The following LAMA2 variants were observed in gnomAD, a reference collection of about 807,000 sequenced individuals.
The protein encoded by LAMA2 is laminin subunit alpha-2.
A neutral mutation model predicts 364.8 loss-of-function variants in LAMA2; 269 were observed. The ratio of observed to expected loss-of-function variants is 0.74; its 90% confidence interval spans 0.67 to 0.82. LAMA2 has a LOEUF of 0.82. Ranked by LOEUF, LAMA2 falls within the 40% of genes least tolerant of loss-of-function variation. LAMA2 has a pLI of 0.00. For missense variants in LAMA2, 3,807 were observed against 3,873.2 expected, an observed-to-expected ratio of 0.98 and a Z score of 0.45; for synonymous variants, 1,379 against 1,370.6, an observed-to-expected ratio of 1.01 and a Z score of -0.14.
intron 1 of LAMA2, among the ~76,000 whole-genome samples, chr6:129,008,788 C>A (rs765202639): frequency 6.6e-6 from 1 of 152,082 alleles, no homozygotes; most frequent in African/African-American, 2.4e-5. Flanking sequence ...TTTGGCAGGA[C>A]GAGAGATTAC....
intron 44 of LAMA2, among the ~76,000 whole-genome samples, chr6:129,445,040 T>C (rs1782299066): frequency 6.6e-6 from 1 of 152,192 alleles, no homozygotes; most frequent in Non-Finnish European, 1.5e-5. Context: ...AAACAGCTGT[T>C]TAATATAGGT....
intron 56 of LAMA2, 97 bp from the exon 57 acceptor site, chr6:129,491,804 T>C (rs1353755957): frequency 1.0e-6 from 1 of 1,003,380 alleles, no homozygotes; most frequent in Non-Finnish European, 1.5e-6. Context: ...TTAAAAGCTA[T>C]GGTTGAGAGG....
At chr6:129,298,091 G>T (rs4280978) in intron 21 of LAMA2, among the ~76,000 whole-genome samples, 13,695 of 138,882 alleles carry the variant, frequency 0.099, 1,868 homozygotes, top group African/African-American at 0.21. Context: ...GCAGATGCTC[G>T]TTTGGTTGTG....
At chr6:129,300,615 T>A in intron 21 of LAMA2, 121 bp from the exon 22 acceptor site, 1 of 989,218 alleles carries the variant, frequency 1.0e-6, no homozygotes, top group Non-Finnish European at 1.6e-6. Flanking sequence ...TATTTCCAAA[T>A]ATCCTTAAGT....
chr6:128,927,972 C>T (rs922488380), intron 1 of LAMA2, among the ~76,000 whole-genome samples: 11 of 152,124 alleles, frequency 7.2e-5, no homozygotes, highest in African/African-American at 2.7e-4. Flanking sequence ...TGGAACTTTC[C>T]TCTCTGTAAA....
At position 129,190,323 on chromosome 6, in the gene LAMA2, G is replaced by T; in HGVS notation, c.1586G>T (p.Ser529Ile). 6.2e-7 allele frequency: 1 copy of T among 1,613,556 alleles called. No homozygotes were observed. Among genetic ancestry groups the T allele is most frequent in the Non-Finnish European group, 8.5e-7 (1 of 1,179,510 alleles). ...TCAGGGGTTTCAAACAGATGTCAGAGTTCCTACTGGACCTATGGCAAAGTA... is the reference window on the plus strand; with the variant it reads ...TCAGGGGTTTCAAACAGATGTCAGATTTCCTACTGGACCTATGGCAAAGTA... ...FCSGVSNRCQ[S>I]SYWTYGKIQD... The change falls in exon 11 of 65, where the codon AGT becomes ATT. Residue 529 changes from serine (S) to isoleucine (I), a missense_variant. Ser to Ile is a moderately radical substitution (Grantham distance 142). Coordinates refer to ENST00000421865, the MANE Select transcript of LAMA2 (RefSeq NM_000426.4).
At chr6:129,342,155 A>G (rs1335748273) in intron 29 of LAMA2, among the ~76,000 whole-genome samples, 188 bp from the exon 30 acceptor site, 1 of 152,178 alleles carries the variant, frequency 6.6e-6, no homozygotes, top group Non-Finnish European at 1.5e-5. Context: ...CAAATCAAAG[A>G]GTTCCTTTAA....
intron 1 of LAMA2, among the ~76,000 whole-genome samples, chr6:128,987,078 T>C (rs1783289189): frequency 6.6e-6 from 1 of 151,826 alleles, no homozygotes; most frequent in Non-Finnish European, 1.5e-5. Flanking sequence ...ATCAGTTGTT[T>C]TGTGCACGTG....
chr6:129,307,747 A>G (rs940105306), intron 22 of LAMA2, among the ~76,000 whole-genome samples: 1 of 152,236 alleles, frequency 6.6e-6, no homozygotes, highest in Non-Finnish European at 1.5e-5. Context: ...TCAAAAGAAG[A>G]ATATTCTTCA....
chr6:129,392,949 C>A, intron 36 of LAMA2, 96 bp from the exon 37 acceptor site: 1 of 959,828 alleles, frequency 1.0e-6, no homozygotes, highest in Non-Finnish European at 1.6e-6. Context: ...TCATTCTTTT[C>A]ATGTTAGCAT....
intron 3 of LAMA2, among the ~76,000 whole-genome samples, chr6:129,095,430 T>A (rs545959960): frequency 2.6e-5 from 4 of 152,310 alleles, no homozygotes; most frequent in African/African-American, 9.6e-5. Flanking sequence ...TACATTTCTG[T>A]TACATTAGGA....
chr6:129,410,453 TACTC>T (rs1228065138), intron 40 of LAMA2, among the ~76,000 whole-genome samples: 1 of 152,192 alleles, frequency 6.6e-6, no homozygotes, highest in Non-Finnish European at 1.5e-5. Context: ...CTGTCTCTCT[TACTC>T]ACACATACAC....
At chr6:129,079,566 T>C (rs2114835970) in intron 3 of LAMA2, among the ~76,000 whole-genome samples, 2 of 151,302 alleles carry the variant, frequency 1.3e-5, no homozygotes, top group African/African-American at 4.9e-5. Flanking sequence ...TTTTTTTTTT[T>C]CTTTTTAAAT....
chr6:129,257,117 A>T (rs1450175588), intron 14 of LAMA2, among the ~76,000 whole-genome samples: 7 of 152,002 alleles, frequency 4.6e-5, no homozygotes, highest in Admixed American at 4.6e-4. Context: ...TTGATAGCTC[A>T]TGCATCTCTA....
intron 4 of LAMA2, among the ~76,000 whole-genome samples, chr6:129,133,885 C>T (rs1312176349): frequency 2.0e-5 from 3 of 152,022 alleles, no homozygotes; most frequent in African/African-American, 2.4e-5. Flanking sequence ...CACACACACG[C>T]GCACACACAA....
chr6:129,078,893 A>G (rs1227399344), intron 3 of LAMA2, among the ~76,000 whole-genome samples: 1 of 152,146 alleles, frequency 6.6e-6, no homozygotes, highest in East Asian at 1.9e-4. Context: ...ACCACACAGT[A>G]TTTGTCCTTT....
At chr6:129,436,184 T>A (rs528379078) in intron 41 of LAMA2, among the ~76,000 whole-genome samples, 16 of 152,288 alleles carry the variant, frequency 1.1e-4, no homozygotes, top group African/African-American at 3.8e-4. Flanking sequence ...ATGAGAAGTT[T>A]TAGTACATTG....
intron 40 of LAMA2, among the ~76,000 whole-genome samples, chr6:129,409,959 A>G (rs1449756587): frequency 6.6e-6 from 1 of 152,068 alleles, no homozygotes; most frequent in Non-Finnish European, 1.5e-5. Context: ...GAATGAATAG[A>G]TTTTCTATGA....
chr6:129,342,413 G>A lies in LAMA2; in HGVS notation c.4382G>A (p.Gly1461Glu), dbSNP rs1181112628. Residue 1461 changes from glycine (G) to glutamate (E), a missense_variant, in exon 30 of 65, where the codon GGA (glycine) becomes GAA (glutamate). Transcript: ENST00000421865. ...CTTGGATACTATGGAATTGTCAAGG[G>A]ATTGCCAAATGACTGTCAGCAATGT... ...CALGYYGIVKGLPNDCQQCAC... is the reference protein window; with the variant it reads ...CALGYYGIVKELPNDCQQCAC... The A allele has an allele frequency of 6.2e-7, 1 of 1,613,370 alleles. No individual in the cohort carries two copies. The highest frequency in any genetic ancestry group is 1.7e-5 in the Admixed American group (1 of 60,004).
Sources: allele counts gnomAD v4.1 joint callset (sites outside exome capture counted in the v4.1 genomes callset), GRCh38; gene constraint gnomAD v4.1.1; transcripts MANE v1.5; gene names NCBI Gene and HGNC (gene_info 2026-07-23, HGNC 2026-07-21).